The following OTOP3 variants were observed in gnomAD, a reference collection of about 807,000 sequenced individuals.
OTOP3 encodes the protein otopetrin 3, also known as proton channel OTOP3.
OTOP3 carries 41 observed loss-of-function variants against 50.8 expected under a neutral mutation model. The observed-to-expected ratio is 0.81, with a 90% CI of 0.63 to 1.05. The LOEUF is 1.05. Among genes scored for constraint, OTOP3 ranks in the 50% least tolerant of loss-of-function variants. The pLI is 0.00. For missense variants in OTOP3, 788 were observed against 760.8 expected, an observed-to-expected ratio of 1.04 and a Z score of -0.42; for synonymous variants, 320 against 324.4, an observed-to-expected ratio of 0.99 and a Z score of 0.14.
At chr17:74,946,624 C>T (rs78225362) in intron 5 of OTOP3, 37 bp from the exon 6 acceptor site, 44,936 of 1,553,948 alleles carry the variant, frequency 0.029, 820 homozygotes, top group Non-Finnish European at 0.036. Context: ...CAGAGCCTGC[C>T]TGAATGTCTG....
Position 74,943,603 on chromosome 17 carries a change from C to G in OTOP3, c.633-3C>G, listed in dbSNP as rs1462313905. The G allele has an allele frequency of 2.5e-6, 4 of 1,613,288 alleles. No individual in the cohort carries two copies. The highest frequency in any genetic ancestry group is 3.4e-6 in the Non-Finnish European group (4 of 1,179,644). ...TGTGAGAAGAGTGTGGCATTTCCCC[C>G]AGGTGTGGCCTGATGCTGACCCTGG... On this transcript the variant is annotated splice_polypyrimidine_tract_variant and splice_region_variant and intron_variant, in intron 4 of 6. Coordinates refer to ENST00000328801, the MANE Select transcript of OTOP3 (RefSeq NM_001272005.2).
At chr17:74,949,172 G>T in intron 6 of OTOP3, 74 bp from the exon 7 acceptor site, 1 of 1,522,530 alleles carries the variant, frequency 6.6e-7, no homozygotes, top group Non-Finnish European at 9.0e-7. Context: ...CAGGTTTGGG[G>T]GCTGCCTCCC....
chr17:74,936,898 G>A (rs2039121657), intron 1 of OTOP3, among the ~76,000 whole-genome samples: 3 of 150,916 alleles, frequency 2.0e-5, no homozygotes, highest in African/African-American at 7.3e-5. Flanking sequence ...CCCGTGCTTC[G>A]TGCATGTATT....
rs746491220 is a variant in OTOP3 at position 74,941,474 on chromosome 17, TG to T, written c.106del (p.Ala36ProfsTer17). The T allele has an allele frequency of 1.2e-6, 2 of 1,608,264 alleles. No homozygotes were observed. The highest frequency in any genetic ancestry group is 1.7e-5 in the Admixed American group (1 of 59,370). On this transcript the variant is annotated frameshift_variant, in exon 2 of 7. Transcript: ENST00000328801. LOFTEE classifies it high-confidence loss of function. Reference protein sequence around the residue: ...AAPEKENRVDVGAEERAAATR... With the variant: ...AAPEKENRVDXGAEERAAATR... ...CCGGAGAAGGAGAACCGAGTGGATG[TG>T]GGGGCCGAGGAGAGAGCGGCCGCCA...
intron 6 of OTOP3, among the ~76,000 whole-genome samples, chr17:74,948,430 G>A (rs1425000568): frequency 2.0e-5 from 3 of 152,230 alleles, no homozygotes; most frequent in Non-Finnish European, 4.4e-5. Flanking sequence ...GGAGACTGAG[G>A]TGAGTGGATC....
rs35254855 is a variant in OTOP3 at position 74,943,759 on chromosome 17, AACACACACAC to A, written c.751+61_751+70del. ...GGAGACCAGGTCTTCCTTGCCCTGA[AACACACACAC>A]ACACACACACACACACACACACACA... is the stretch of plus-strand genomic sequence containing the variant. On this transcript the variant is annotated intron_variant, in intron 5 of 6. Transcript: ENST00000328801. 44 of 982,524 alleles carry A rather than the reference AACACACACAC, an allele frequency of 4.5e-5. No individual in the cohort carries two copies. In the East Asian group the frequency reaches 4.7e-4, roughly 10 times the overall value. The allele number at this position is 982,524 out of a possible 1,614,324, so 60.9% of individuals were successfully genotyped here.
At position 74,947,181 on chromosome 17, in the gene OTOP3, G is replaced by T. The variant is rs141986515; in HGVS notation, c.1272G>T (p.Pro424=). 6.8e-6 allele frequency: 11 copies of T among 1,613,790 alleles called. No individual in the cohort carries two copies. The African/African-American group carries it at 1.5e-4, about 22-fold the overall frequency. The change falls in exon 6 of 7, where the codon CCG becomes CCT. Residue 424 remains proline, a synonymous_variant. Transcript: ENST00000328801. ...FSIVAIVAKR[P]HELLNRLILA... ...TCGTGGCCATTGTGGCCAAGCGCCC[G>T]CATGAGCTGCTCAACCGCCTCATCC...
rs72844519 is a variant in OTOP3, at chr17:74,941,700, G to A, written c.327G>A (p.Thr109=). The change falls in exon 2 of 7, where the codon ACG becomes ACA. Residue 109 remains threonine, a synonymous_variant. Transcript: ENST00000328801. ...GTGACGTGTGGATCCTGCTGGCCAC[G>A]CTGAAGGTCCTCTCCCTGCTTTGGC... is the stretch of plus-strand genomic sequence containing the variant. ...TLGDVWILLA[T]LKVLSLLWLL... is the part of the protein sequence containing the mutation. The A allele has an allele frequency of 3.5e-3, 5,669 of 1,614,000 alleles. 19 individuals are homozygous for A. The highest frequency in any genetic ancestry group is 4.5e-3 in the Non-Finnish European group (5,364 of 1,179,988).
At position 74,941,800 on chromosome 17, in the gene OTOP3, TGGGTGCG is replaced by T. The variant is rs1567950412; in HGVS notation, c.433_436+3del. 7.0e-7 allele frequency: 1 copy of T among 1,429,310 alleles called. No individual in the cohort carries two copies. The highest frequency in any genetic ancestry group is 9.5e-7 in the Non-Finnish European group (1 of 1,058,034). The allele number at this position is 1,429,310 out of a possible 1,614,324, so 88.5% of individuals were successfully genotyped here. ...CCAAGATCCCCACGCGGGGCCCCTCTGGGTGCGGGGTGAGTGTCAGGTTGCTGGGGGG... is the reference window on the plus strand; with the variant it reads ...CCAAGATCCCCACGCGGGGCCCCTCTGGGTGAGTGTCAGGTTGCTGGGGGG... On this transcript the variant is annotated frameshift_variant and splice_region_variant, in exon 2 of 7. Transcript: ENST00000328801. LOFTEE classifies it high-confidence loss of function.
In OTOP3 at chr17:74,943,708, C is replaced by T. The variant is rs1375279960; in HGVS notation, c.735C>T (p.Leu245=). The T allele has an allele frequency of 6.2e-7, 1 of 1,608,770 alleles. No homozygotes were observed. Among genetic ancestry groups the T allele is most frequent in the African/African-American group, 1.3e-5 (1 of 74,650 alleles). The change falls in exon 5 of 7, where the codon CTC becomes CTT. Residue 245 remains leucine (L), a synonymous_variant. Transcript: ENST00000328801. ...AGATCGAAGCTGAGCTTGGCATCCTCATGGAAAAATCCACAGGTATGGAAA... is the reference window on the plus strand; with the variant it reads ...AGATCGAAGCTGAGCTTGGCATCCTTATGGAAAAATCCACAGGTATGGAAA... The part of the protein sequence containing the change: ...HREIEAELGI[L]MEKSTGNETN...
intron 3 of OTOP3, among the ~76,000 whole-genome samples, chr17:74,942,299 T>C (rs930944269): frequency 2.6e-5 from 4 of 152,222 alleles, no homozygotes; most frequent in African/African-American, 9.7e-5. Flanking sequence ...GGCATATCCC[T>C]GGATATACAC....
Position 74,941,579 on chromosome 17 carries a change from G to C in OTOP3, c.206G>C (p.Gly69Ala), listed in dbSNP as rs762574194. Residue 69 changes from glycine to alanine, a missense_variant, in exon 2 of 7, where the codon GGA becomes GCA. Coordinates refer to ENST00000328801, the MANE Select transcript of OTOP3 (RefSeq NM_001272005.2). Reference protein sequence around the residue: ...LRRDRQAQKAGQLFSGLLALN... With the variant: ...LRRDRQAQKAAQLFSGLLALN... ...CGGGACCGGCAGGCCCAGAAGGCTG[G>C]ACAACTCTTCTCGGGGCTCCTGGCC... 1.2e-6 allele frequency: 2 copies of C among 1,612,082 alleles called. No individual in the cohort carries two copies.
chr17:74,943,899 G>A (rs529062145), intron 5 of OTOP3, among the ~76,000 whole-genome samples, 175 bp downstream of exon 5: 2 of 152,232 alleles, frequency 1.3e-5, no homozygotes, highest in East Asian at 3.9e-4. Flanking sequence ...AAGTTTGCCA[G>A]TGGTCCCCAT....
At position 74,942,610 on chromosome 17, in the gene OTOP3, G is replaced by A. The variant is rs140289885; in HGVS notation, c.573+573G>A. On this transcript the variant is annotated intron_variant, in intron 3 of 6. Coordinates refer to ENST00000328801, the MANE Select transcript of OTOP3 (RefSeq NM_001272005.2). The stretch of plus-strand genomic sequence containing the variant: ...CATGCCACTGAGCTCCAGCCTGGGC[G>A]ACAGAGTGAGACTCTGTCTCAAAAA... Among the ~76,000 whole-genome samples, 645 of 149,346 alleles carry A rather than the reference G, an allele frequency of 4.3e-3. 5 individuals are homozygous for A. Among genetic ancestry groups the A allele is most frequent in the African/African-American group, 0.014 (567 of 40,396 alleles).
intron 1 of OTOP3, among the ~76,000 whole-genome samples, chr17:74,939,710 G>A (rs1388512): frequency 0.64 from 96,939 of 151,272 alleles, 32,052 homozygotes; most frequent in Non-Finnish European, 0.73. Flanking sequence ...TGTTTCCTAC[G>A]TTATGCCAGG....
chr17:74,938,314 C>G (rs184435981), intron 1 of OTOP3, among the ~76,000 whole-genome samples: 3 of 151,952 alleles, frequency 2.0e-5, no homozygotes, highest in African/African-American at 7.3e-5. Flanking sequence ...ATAGAGGGCA[C>G]GTCTGAAGCT....
At chr17:74,939,336 A>C (rs1760003332) in intron 1 of OTOP3, among the ~76,000 whole-genome samples, 2 of 152,050 alleles carry the variant, frequency 1.3e-5, no homozygotes, top group African/African-American at 4.8e-5. Context: ...TGACATTAGG[A>C]AGCAAGAGAA....
rs2039174634 is a variant in OTOP3, at chr17:74,941,624, G to A, written c.251G>A (p.Gly84Asp). The change falls in exon 2 of 7, where the codon GGT becomes GAT. Residue 84 changes from glycine (G) to aspartate (D), a missense_variant. Transcript: ENST00000328801. ...GLLALNVVFL[G>D]GAFICSMIFN... Reference sequence around the variant, plus strand: ...CTGGCCCTGAATGTGGTGTTCCTGGGTGGCGCCTTCATCTGCAGCATGATC... The same window carrying A: ...CTGGCCCTGAATGTGGTGTTCCTGGATGGCGCCTTCATCTGCAGCATGATC... The A allele has an allele frequency of 1.2e-6, 2 of 1,613,862 alleles. No individual in the cohort carries two copies. Among genetic ancestry groups the A allele is most frequent in the Non-Finnish European group, 1.7e-6 (2 of 1,179,908 alleles).
At chr17:74,935,886 C>T (rs1393992758), upstream of OTOP3, 5 of 1,547,338 alleles carry the variant, frequency 3.2e-6, no homozygotes, top group Admixed American at 2.0e-5. Context: ...ACGGACGATC[C>T]GCTCAGCGCC....
Sources: gnomAD v4.1 joint callset for allele counts (sites outside exome capture counted in the v4.1 genomes callset) on GRCh38, gnomAD v4.1.1 for gene constraint, MANE v1.5 for transcripts, NCBI Gene and HGNC (gene_info 2026-07-23, HGNC 2026-07-21) for gene names.